The following WDR59 variants were observed in gnomAD, a reference collection of about 807,000 sequenced individuals.
WDR59 encodes the protein WD repeat domain 59.
In WDR59, 100 loss-of-function variants were observed where a neutral mutation model predicts 131.2. The observed-to-expected ratio is 0.76, with a 90% CI of 0.65 to 0.90. WDR59 has a LOEUF of 0.90. WDR59 is among the 40% of genes least tolerant of loss of function. The pLI is 0.00. For synonymous variants in WDR59, 601 were observed against 466.2 expected, an observed-to-expected ratio of 1.29 and a Z score of -3.72; for missense variants, 1,203 against 1,262.2, an observed-to-expected ratio of 0.95 and a Z score of 0.71.
rs539035054 is a variant in WDR59, at chr16:74,970,945, G to C, written c.55-5123C>G. 8.0e-4 allele frequency among the ~76,000 whole-genome samples: 121 copies of C among 152,074 alleles called. 1 individual carries two copies. Among genetic ancestry groups the C allele is most frequent in the African/African-American group, 2.7e-3 (114 of 41,496 alleles). Reference sequence around the variant, plus strand: ...ATGCACTTGTACTCCCAGCTACTTGGGGGGCTGAGGGGAGGATAACTTGAG... The same window carrying C: ...ATGCACTTGTACTCCCAGCTACTTGCGGGGCTGAGGGGAGGATAACTTGAG... On this transcript the variant is annotated intron_variant, in intron 1 of 25. Transcript: ENST00000262144.
At chr16:74,937,219 T>C (rs980980563) in intron 8 of WDR59, among the ~76,000 whole-genome samples, 1 of 152,194 alleles carries the variant, frequency 6.6e-6, no homozygotes, top group African/African-American at 2.4e-5. Context: ...ACACTGTACC[T>C]TGTGATAAAC....
At chr16:74,981,495 C>G (rs1347548124) in intron 1 of WDR59, among the ~76,000 whole-genome samples, 1 of 149,024 alleles carries the variant, frequency 6.7e-6, no homozygotes. Flanking sequence ...AAGGTTGAGG[C>G]TGAGGTGAGC....
intron 18 of WDR59, chr16:74,899,900 G>T: frequency 1.7e-6 from 1 of 579,594 alleles, no homozygotes; most frequent in Non-Finnish European, 2.6e-6. Context: ...GGATGGGAAC[G>T]ACTAAAAAAT....
At chr16:74,959,128 G>A (rs936669708) in intron 2 of WDR59, among the ~76,000 whole-genome samples, 59 of 152,300 alleles carry the variant, frequency 3.9e-4, no homozygotes, top group African/African-American at 1.4e-3. Flanking sequence ...AGTGGAGAGT[G>A]GGTGCTATTC....
chr16:74,911,140 G>A (rs963470983), intron 14 of WDR59, among the ~76,000 whole-genome samples: 6 of 152,100 alleles, frequency 3.9e-5, no homozygotes, highest in South Asian at 2.1e-4. Flanking sequence ...CTGGGATTAC[G>A]GGAGTGAGCC....
intron 7 of WDR59, among the ~76,000 whole-genome samples, chr16:74,940,312 G>C (rs1057423139): frequency 2.6e-5 from 4 of 151,318 alleles, no homozygotes; most frequent in South Asian, 2.1e-4. Context: ...CTGGGAGGTG[G>C]AGGTTGCAGT....
At chr16:74,944,491 C>T (rs2032463703) in intron 6 of WDR59, among the ~76,000 whole-genome samples, 1 of 151,302 alleles carries the variant, frequency 6.6e-6, no homozygotes, top group South Asian at 2.1e-4. Flanking sequence ...ATCATTACAC[C>T]AGGGTCGAAT....
rs368229246 is a variant in WDR59, at chr16:74,874,332, C to T, written c.2802G>A (p.Ser934=). The T allele has an allele frequency of 3.3e-5, 54 of 1,614,012 alleles. No individual in the cohort carries two copies. Among genetic ancestry groups the T allele is most frequent in the African/African-American group, 1.3e-4 (10 of 74,924 alleles). The change falls in exon 26 of 26, where the codon TCG becomes TCA. Residue 934 remains serine (S), a synonymous_variant. Transcript: ENST00000262144. ...CAICHVAVRG[S]SNFCLTCGHG... is the part of the protein sequence containing the mutation. ...GCCCACAGGTCAGGCAGAAATTGGA[C>T]GATCCCCGCACAGCCACGTGACAGA...
chr16:74,951,391 T>C, intron 4 of WDR59, 67 bp downstream of exon 4: 4 of 1,459,868 alleles, frequency 2.7e-6, no homozygotes, highest in Non-Finnish European at 3.8e-6. Context: ...GACGGCATCA[T>C]CATTTCGTTC....
chr16:74,873,217 T>A lies in WDR59; in HGVS notation c.*992A>T, dbSNP rs1370638641. The A allele has an allele frequency of 6.6e-6, 1 of 152,138 alleles. No individual in the cohort carries two copies. Among genetic ancestry groups the A allele is most frequent in the East Asian group, 1.9e-4 (1 of 5,186 alleles). The allele number at this position is 152,138 out of a possible 1,614,324, so 9.4% of individuals were successfully genotyped here. On this transcript the variant is annotated 3_prime_UTR_variant, in exon 26 of 26. Coordinates refer to ENST00000262144, the MANE Select transcript of WDR59 (RefSeq NM_030581.4). ...GAGCCACCGTGCCCGGCCTATTTTT[T>A]AAATTTTTTGCAGAGATGGGATCTC...
At chr16:74,984,212 G>T (rs1035557504) in intron 1 of WDR59, among the ~76,000 whole-genome samples, 3 of 152,170 alleles carry the variant, frequency 2.0e-5, no homozygotes, top group Non-Finnish European at 2.9e-5. Context: ...CGGAGGCGGA[G>T]GTTGCAGTGA....
intron 1 of WDR59, among the ~76,000 whole-genome samples, chr16:74,978,629 G>A (rs1467716204): frequency 2.6e-5 from 4 of 152,204 alleles, no homozygotes; most frequent in Non-Finnish European, 4.4e-5. Flanking sequence ...TACACAGGGG[G>A]ACCAAGGAAC....
chr16:74,956,483 C>T lies in WDR59; in HGVS notation c.232G>A (p.Ala78Thr), dbSNP rs1261486042. ...TCCTTAAATAAGCTCACCGAAGCCG[C>T]AAAATAGTGTGCAAAGCTGTCATGA... The part of the protein sequence containing the change: ...NPHDSFAHYF[A>T]ASSNQRVDLY... The change falls in exon 3 of 26, where the codon GCG (alanine) becomes ACG (threonine). Residue 78 changes from alanine (A) to threonine (T), a missense_variant. By Grantham distance (58) the Ala-to-Thr change is moderately conservative. Coordinates refer to ENST00000262144, the MANE Select transcript of WDR59 (RefSeq NM_030581.4). The T allele has an allele frequency of 6.2e-7, 1 of 1,613,254 alleles. No individual in the cohort carries two copies. The highest frequency in any genetic ancestry group is 2.2e-5 in the East Asian group (1 of 44,878).
At chr16:74,956,351 C>T (rs2033288081) in intron 3 of WDR59, 124 bp downstream of exon 3, 1 of 1,288,572 alleles carries the variant, frequency 7.8e-7, no homozygotes, top group Admixed American at 3.0e-5. Context: ...TTCTCAGAAC[C>T]ATCCAAACCT....
At chr16:74,905,360 A>C (rs924872223) in intron 17 of WDR59, among the ~76,000 whole-genome samples, 13 of 140,828 alleles carry the variant, frequency 9.2e-5, no homozygotes, top group Admixed American at 5.0e-4. Flanking sequence ...GGGCAACAAG[A>C]GCGAAACTCC....
intron 2 of WDR59, among the ~76,000 whole-genome samples, chr16:74,958,831 G>A (rs924139447): frequency 1.5e-5 from 2 of 133,508 alleles, no homozygotes; most frequent in Non-Finnish European, 3.3e-5. Context: ...GGGAGGCCGA[G>A]GCGGATGGAT....
chr16:74,927,032 C>T (rs1381977339), intron 8 of WDR59, among the ~76,000 whole-genome samples: 2 of 152,154 alleles, frequency 1.3e-5, no homozygotes, highest in African/African-American at 4.8e-5. Context: ...AACGGGCAAA[C>T]ACCCAGCTGT....
chr16:74,898,379 C>T (rs888724354), intron 18 of WDR59, among the ~76,000 whole-genome samples: 1 of 152,174 alleles, frequency 6.6e-6, no homozygotes, highest in Admixed American at 6.5e-5. Flanking sequence ...CCTTTCAATG[C>T]TCCATCAATA....
intron 9 of WDR59, among the ~76,000 whole-genome samples, chr16:74,923,337 C>CTCCT (rs965630442): frequency 1.3e-5 from 2 of 152,100 alleles, no homozygotes; most frequent in African/African-American, 4.8e-5. Context: ...GACCTCAAGC[C>CTCCT]TCCTGACCCT....
Sources: gnomAD v4.1 joint callset for allele counts (sites outside exome capture counted in the v4.1 genomes callset) on GRCh38, gnomAD v4.1.1 for gene constraint, MANE v1.5 for transcripts, NCBI Gene and HGNC (gene_info 2026-07-23, HGNC 2026-07-21) for gene names.